Variants in OCA2 observed in about 807,000 individuals in gnomAD.
OCA2 encodes P protein.
In OCA2, 77 loss-of-function variants were observed where a neutral mutation model predicts 100.2. The observed-to-expected ratio is 0.77, with a 90% CI of 0.64 to 0.93. The LOEUF (loss-of-function observed/expected upper bound fraction) is 0.93, where lower values mean the gene tolerates loss of function less well. OCA2 is among the 40% of genes least tolerant of loss of function. The pLI is 0.00. For missense variants in OCA2, 1,062 were observed against 1,089.1 expected (o/e 0.98, Z 0.35); for synonymous variants, 432 against 439.2 (o/e 0.98, Z 0.21).
At chr15:27,828,842 G>A (rs946869994) in intron 23 of OCA2, among the ~76,000 whole-genome samples, 12 of 152,292 alleles carry the variant, frequency 7.9e-5, no homozygotes, top group African/African-American at 2.9e-4. Context: ...AAGAAGACCT[G>A]GCTCTCCGTG....
chr15:27,732,715 G>A, the OCA2 span, among the ~76,000 whole-genome samples: 2 of 152,172 alleles, frequency 1.3e-5, no homozygotes, highest in Non-Finnish European at 2.9e-5. Context: ...ATAGCACTCT[G>A]CTCACTAGCA....
At chr15:27,954,918 G>A (rs2140664713) in intron 17 of OCA2, among the ~76,000 whole-genome samples, 1 of 152,342 alleles carries the variant, frequency 6.6e-6, no homozygotes, top group Middle Eastern at 3.4e-3. Flanking sequence ...CCTGCAACGT[G>A]CAGGGACAGG....
chr15:27,901,196 T>C (rs935997930), intron 19 of OCA2, among the ~76,000 whole-genome samples: 1 of 152,232 alleles, frequency 6.6e-6, no homozygotes, highest in Non-Finnish European at 1.5e-5. Context: ...TGATTTTCTC[T>C]TGGACTGGAC....
At position 27,900,473 on chromosome 15, in the gene OCA2, T is replaced by C. The variant is rs143836389; in HGVS notation, c.2079+25654A>G. ...CTCTCTCAGGGTGTACTGCCTATTCTGCACCTAACTTTCAAAGTATTCTTT... is the reference window on the plus strand; with the variant it reads ...CTCTCTCAGGGTGTACTGCCTATTCCGCACCTAACTTTCAAAGTATTCTTT... On this transcript the variant is annotated intron_variant, in intron 19 of 23. Transcript: ENST00000354638. Among the ~76,000 whole-genome samples, 373 of 152,334 alleles carry C rather than the reference T, an allele frequency of 2.4e-3. 2 individuals carry two copies. The highest frequency in any genetic ancestry group is 8.7e-3 in the African/African-American group (360 of 41,580).
chr15:27,827,540 C>T (rs2034779540), intron 23 of OCA2, among the ~76,000 whole-genome samples: 2 of 150,562 alleles, frequency 1.3e-5, no homozygotes, highest in African/African-American at 4.9e-5. Context: ...CCTTGTAATT[C>T]TCATGAGTCA....
intron 14 of OCA2, among the ~76,000 whole-genome samples, chr15:27,971,873 G>A (rs971719500): frequency 6.6e-6 from 1 of 151,948 alleles, no homozygotes; most frequent in African/African-American, 2.4e-5. Context: ...TCGGTTACAT[G>A]GATAAATTAT....
intron 23 of OCA2, among the ~76,000 whole-genome samples, chr15:27,835,226 A>C (rs900640301): frequency 2.6e-5 from 4 of 152,196 alleles, no homozygotes; most frequent in Non-Finnish European, 5.9e-5. Flanking sequence ...TATGGATTAC[A>C]AGTCTTGGGC....
At chr15:28,079,101 T>C (rs1440706331) in intron 2 of OCA2, among the ~76,000 whole-genome samples, 1 of 152,184 alleles carries the variant, frequency 6.6e-6, no homozygotes, top group Non-Finnish European at 1.5e-5. Flanking sequence ...CCAAATTACC[T>C]TTTCAACGCA....
chr15:28,007,134 G>A (rs1227057639), intron 9 of OCA2, among the ~76,000 whole-genome samples: 6 of 152,182 alleles, frequency 3.9e-5, no homozygotes, highest in East Asian at 3.8e-4. Context: ...GAAAGGGCTC[G>A]CTTGTTTCCA....
intron 19 of OCA2, among the ~76,000 whole-genome samples, chr15:27,910,658 TA>T (rs112178150): frequency 0.15 from 22,542 of 147,656 alleles, 2,513 homozygotes; most frequent in African/African-American, 0.32. Flanking sequence ...TTATTTATGT[TA>T]AAAAAAAAAA....
At chr15:28,069,971 A>G (rs1174324079) in intron 2 of OCA2, among the ~76,000 whole-genome samples, 1 of 113,702 alleles carries the variant, frequency 8.8e-6, no homozygotes, top group African/African-American at 6.4e-5. Context: ...GCCTCTTCCC[A>G]GCCGCCATCA....
intron 18 of OCA2, among the ~76,000 whole-genome samples, chr15:27,941,465 A>C (rs1001152518): frequency 1.3e-5 from 2 of 152,234 alleles, no homozygotes; most frequent in African/African-American, 4.8e-5. Flanking sequence ...GGAATGAAAA[A>C]TGAAGTGAGA....
chr15:28,073,852 C>T (rs151134005), intron 2 of OCA2, among the ~76,000 whole-genome samples: 79 of 152,076 alleles, frequency 5.2e-4, no homozygotes, highest in African/African-American at 1.8e-3. Flanking sequence ...TCAGTGATTT[C>T]CAGGGGTTAA....
At chr15:27,740,569 G>A in the OCA2 span, among the ~76,000 whole-genome samples, 1 of 152,204 alleles carries the variant, frequency 6.6e-6, no homozygotes, top group African/African-American at 2.4e-5. Context: ...GTGCAAGTAT[G>A]TATGGGCATT....
At chr15:27,901,294 C>T (rs75103004) in intron 19 of OCA2, among the ~76,000 whole-genome samples, 2,480 of 152,320 alleles carry the variant, frequency 0.016, 66 homozygotes, top group African/African-American at 0.057. Context: ...CCCTGGTCTT[C>T]TCCCCAGCCT....
intron 19 of OCA2, among the ~76,000 whole-genome samples, chr15:27,899,699 T>A (rs1463875912): frequency 6.6e-6 from 1 of 152,212 alleles, no homozygotes; most frequent in African/African-American, 2.4e-5. Context: ...AGCAGCTGAC[T>A]TGATAGAACA....
At chr15:27,951,954 A>G in intron 17 of OCA2, 62 bp from the exon 18 acceptor site, 1 of 1,124,586 alleles carries the variant, frequency 8.9e-7, no homozygotes, top group Non-Finnish European at 1.4e-6. Context: ...GCAGCGTGTC[A>G]TAACCTACGC....
At chr15:27,910,252 A>G (rs2038336480) in intron 19 of OCA2, among the ~76,000 whole-genome samples, 1 of 152,250 alleles carries the variant, frequency 6.6e-6, no homozygotes, top group Admixed American at 6.5e-5. Flanking sequence ...CAGTGGGAGT[A>G]TAACCCAGCA....
intron 23 of OCA2, 67 bp from the exon 24 acceptor site, chr15:27,755,539 T>G: frequency 1.6e-6 from 2 of 1,245,342 alleles, no homozygotes; most frequent in Middle Eastern, 1.9e-4. Flanking sequence ...TACGGACTCA[T>G]AGCTCATGAG....
Sources: allele counts gnomAD v4.1 joint callset (sites outside exome capture counted in the v4.1 genomes callset), GRCh38; gene constraint gnomAD v4.1.1; transcripts MANE v1.5; gene names NCBI Gene and HGNC (gene_info 2026-07-23, HGNC 2026-07-21).